Variants in GALNT17 observed in about 807,000 individuals in gnomAD.
GALNT17 encodes the protein UDP-GalNAc:polypeptide N-acetylgalactosaminyltransferase-like 3.
GALNT17 carries 29 observed loss-of-function variants against 63.7 expected under a neutral mutation model. The observed-to-expected ratio is 0.46, with a 90% CI of 0.34 to 0.62. GALNT17 has a LOEUF of 0.62. Among genes scored for constraint, GALNT17 ranks in the 20% least tolerant of loss-of-function variants. GALNT17 has a pLI of 0.01. For synonymous variants in GALNT17, 305 were observed against 318.3 expected (o/e 0.96, Z 0.45); for missense variants, 603 against 799.6 (o/e 0.75, Z 2.97).
intron 1 of GALNT17, among the ~76,000 whole-genome samples, chr7:71,296,472 G>A (rs576059160): frequency 2.0e-5 from 3 of 152,002 alleles, no homozygotes; most frequent in African/African-American, 4.8e-5. Flanking sequence ...AAAATTAGCC[G>A]GGCATGGTGG....
Position 71,405,704 on chromosome 7 carries a change from A to G in GALNT17, c.590-10185A>G, listed in dbSNP as rs183161132. The stretch of plus-strand genomic sequence containing the variant: ...CATAGATGTCTCTCTATGTGTTTCT[A>G]TGTCTTGTAAGTGGTGAACCAGCTC... On this transcript the variant is annotated intron_variant, in intron 3 of 10. Coordinates refer to ENST00000333538, the MANE Select transcript of GALNT17 (RefSeq NM_022479.3). 2.1e-3 allele frequency among the ~76,000 whole-genome samples: 320 copies of G among 152,128 alleles called. 2 individuals carry two copies. Among genetic ancestry groups the G allele is most frequent in the Non-Finnish European group, 3.6e-3 (248 of 67,996 alleles).
At chr7:71,294,409 CTTTTT>C (rs869086513) in intron 1 of GALNT17, among the ~76,000 whole-genome samples, 2 of 91,920 alleles carry the variant, frequency 2.2e-5, no homozygotes, top group African/African-American at 1.1e-4. Flanking sequence ...CTCATAAGTC[CTTTTT>C]TTTTTTTTTT....
chr7:71,642,705 T>C (rs1790620811), intron 6 of GALNT17, among the ~76,000 whole-genome samples: 1 of 152,006 alleles, frequency 6.6e-6, no homozygotes, highest in Admixed American at 6.6e-5. Context: ...TGTGGTGGTG[T>C]GCACCTGTAA....
At chr7:71,627,815 T>A (rs1184233804) in intron 6 of GALNT17, among the ~76,000 whole-genome samples, 3 of 152,112 alleles carry the variant, frequency 2.0e-5, no homozygotes, top group Non-Finnish European at 4.4e-5. Context: ...CCCCGCCCCA[T>A]AGACTTGTAC....
chr7:71,705,068 GA>G (rs1319175380), intron 9 of GALNT17, among the ~76,000 whole-genome samples: 6 of 152,042 alleles, frequency 3.9e-5, no homozygotes, highest in African/African-American at 1.4e-4. Flanking sequence ...TCAAGCAAGT[GA>G]AAAACAACCC....
At position 71,669,188 on chromosome 7, in the gene GALNT17, G is replaced by T. The variant is rs140081760; in HGVS notation, c.1267-784G>T. 9.8e-3 allele frequency among the ~76,000 whole-genome samples: 1,498 copies of T among 152,146 alleles called. 18 individuals are homozygous for T. Among genetic ancestry groups the T allele is most frequent in the Middle Eastern group, 0.041 (12 of 294 alleles). ...TTTGCTTAGGAAGGAGGATTCCCTG[G>T]CCTGGGTCTGGATGAATCAAATAGG... is the stretch of plus-strand genomic sequence containing the variant. On this transcript the variant is annotated intron_variant, in intron 7 of 10. Transcript: ENST00000333538.
At chr7:71,242,969 A>G (rs1051244240) in intron 1 of GALNT17, among the ~76,000 whole-genome samples, 3 of 152,180 alleles carry the variant, frequency 2.0e-5, no homozygotes, top group Admixed American at 6.5e-5. Flanking sequence ...AATATTCTAG[A>G]TAACCTATCT....
intron 2 of GALNT17, among the ~76,000 whole-genome samples, chr7:71,359,506 C>T (rs1033684015): frequency 2.0e-5 from 3 of 152,170 alleles, no homozygotes; most frequent in Admixed American, 2.0e-4. Context: ...TTCCAGTAGA[C>T]CCCCGACTCC....
At chr7:71,407,123 G>C (rs1258917142) in intron 3 of GALNT17, among the ~76,000 whole-genome samples, 1 of 152,122 alleles carries the variant, frequency 6.6e-6, no homozygotes. Flanking sequence ...AGGGCCCAGG[G>C]TATGGTCACC....
chr7:71,580,790 G>A (rs1789625221), intron 6 of GALNT17, among the ~76,000 whole-genome samples: 3 of 152,066 alleles, frequency 2.0e-5, no homozygotes, highest in Admixed American at 2.0e-4. Context: ...GGGAGAAGGT[G>A]GAAAGATTAT....
chr7:71,292,540 T>A (rs1790996180), intron 1 of GALNT17, among the ~76,000 whole-genome samples: 1 of 152,088 alleles, frequency 6.6e-6, no homozygotes, highest in Non-Finnish European at 1.5e-5. Flanking sequence ...TTGTATATAT[T>A]CAAGATGTAT....
chr7:71,226,082 G>C (rs1043746183), intron 1 of GALNT17, among the ~76,000 whole-genome samples: 1 of 152,080 alleles, frequency 6.6e-6, no homozygotes, highest in African/African-American at 2.4e-5. Flanking sequence ...AAAGCTATAT[G>C]GTTTATGAGC....
chr7:71,705,145 A>G (rs897530349), intron 9 of GALNT17, among the ~76,000 whole-genome samples: 13 of 152,244 alleles, frequency 8.5e-5, no homozygotes, highest in Admixed American at 4.6e-4. Flanking sequence ...AGAATATGTA[A>G]AGAACTCTTA....
At chr7:71,700,103 C>G (rs929227628) in intron 9 of GALNT17, among the ~76,000 whole-genome samples, 4 of 151,644 alleles carry the variant, frequency 2.6e-5, no homozygotes, top group African/African-American at 9.7e-5. Context: ...ACCAGCCTGG[C>G]CAACATAGCG....
chr7:71,510,884 C>A (rs940796199), intron 5 of GALNT17, among the ~76,000 whole-genome samples: 1 of 152,026 alleles, frequency 6.6e-6, no homozygotes, highest in African/African-American at 2.4e-5. Flanking sequence ...GAGGTTGGAC[C>A]AGCCGAGGCT....
intron 1 of GALNT17, among the ~76,000 whole-genome samples, chr7:71,264,193 C>A (rs1378019475): frequency 6.6e-6 from 1 of 152,188 alleles, no homozygotes; most frequent in Non-Finnish European, 1.5e-5. Context: ...GTTGTGCCTT[C>A]ATTCCTCTTG....
chr7:71,695,467 A>G (rs975046709), intron 9 of GALNT17, among the ~76,000 whole-genome samples: 1 of 152,156 alleles, frequency 6.6e-6, no homozygotes, highest in Non-Finnish European at 1.5e-5. Flanking sequence ...CTCTGCAGGA[A>G]CCATCTGGTT....
chr7:71,657,648 T>G (rs1336700319), intron 6 of GALNT17, among the ~76,000 whole-genome samples: 1 of 152,190 alleles, frequency 6.6e-6, no homozygotes, highest in Non-Finnish European at 1.5e-5. Context: ...TTCTTTCAGC[T>G]TCTGTAAAAT....
At chr7:71,244,032 G>T (rs142896152) in intron 1 of GALNT17, among the ~76,000 whole-genome samples, 14 of 152,284 alleles carry the variant, frequency 9.2e-5, no homozygotes, top group Non-Finnish European at 2.1e-4. Flanking sequence ...GAGGTGCAGG[G>T]TTAGAGGTGG....
Sources: gnomAD v4.1 joint callset for allele counts (sites outside exome capture counted in the v4.1 genomes callset) on GRCh38, gnomAD v4.1.1 for gene constraint, MANE v1.5 for transcripts, NCBI Gene and HGNC (gene_info 2026-07-23, HGNC 2026-07-21) for gene names.